Variants in ZMYM3 observed in about 807,000 individuals in gnomAD.
The protein encoded by ZMYM3 is zinc finger MYM-type protein 3.
A neutral mutation model predicts 94.2 loss-of-function variants in ZMYM3; 6 were observed. The ratio of observed to expected loss-of-function variants is 0.06; its 90% confidence interval spans 0.03 to 0.13. The LOEUF is 0.13. ZMYM3 is among the 10% of genes least tolerant of loss of function. The probability of loss-of-function intolerance (pLI) is 1.00; values close to 1 mark genes in which losing one functional copy is unlikely to be tolerated. For missense variants in ZMYM3, 664 were observed against 1,132.6 expected (o/e 0.59, Z 5.94); for synonymous variants, 420 against 426.5 (o/e 0.98, Z 0.19).
intron 21 of ZMYM3, 65 bp downstream of exon 21, chrX:71,243,764 T>C: frequency 8.5e-7 from 1 of 1,183,064 alleles, no homozygotes; most frequent in Non-Finnish European, 1.1e-6. Context: ...CCCAGAATCA[T>C]TTCTGTTTAG....
chrX:71,249,215 A>G (rs2030328706), intron 7 of ZMYM3, 46 bp from the exon 8 acceptor site: 1 of 1,198,742 alleles, frequency 8.3e-7, no homozygotes, highest in Non-Finnish European at 1.1e-6. Flanking sequence ...TTGTCCCTTC[A>G]CTTTTATTTT....
intron 19 of ZMYM3, 110 bp from the exon 20 acceptor site, chrX:71,244,580 A>G: frequency 1.0e-6 from 1 of 959,118 alleles, no homozygotes; most frequent in Non-Finnish European, 1.4e-6. Context: ...ATGTAAGCAC[A>G]CAGCAAGCTT....
At chrX:71,244,565 G>T in intron 19 of ZMYM3, 95 bp from the exon 20 acceptor site, 1 of 1,035,884 alleles carries the variant, frequency 9.7e-7, no homozygotes, top group Non-Finnish European at 1.3e-6. Flanking sequence ...CCGGGGCAGG[G>T]GCTGATGTAA....
At chrX:71,254,524 C>T (rs1213320446), upstream of ZMYM3, 1 of 111,447 alleles carries the variant, frequency 9.0e-6, no homozygotes, top group Non-Finnish European at 1.9e-5. Flanking sequence ...CTCGCCCTAC[C>T]TCCTGGAGCC....
intron 8 of ZMYM3, 89 bp downstream of exon 8, chrX:71,248,930 C>G: frequency 8.6e-7 from 1 of 1,159,946 alleles, no homozygotes; most frequent in Non-Finnish European, 1.2e-6. Flanking sequence ...GGACTGAGGT[C>G]GGGCAGCAAG....
At position 71,246,599 on chromosome X, in the gene ZMYM3, C is replaced by A; in HGVS notation, c.2408G>T (p.Gly803Val). ...CCCCTTGGCTTTTGCCCCGACCTTG[C>A]CCAAATTCCCATTTTCCTCTGGGGT... is the stretch of plus-strand genomic sequence containing the variant. ...VRTPEENGNL[G>V]KIPVKTRSAP... is the part of the protein sequence containing the mutation. The change falls in exon 14 of 25, where the codon GGC becomes GTC. Residue 803 changes from glycine (G) to valine (V), a missense_variant. Physicochemically the swap from Gly to Val is moderately radical, Grantham distance 109. Transcript: ENST00000314425. 8.3e-7 allele frequency: 1 copy of A among 1,210,962 alleles called. No individual in the cohort carries two copies. Among genetic ancestry groups the A allele is most frequent in the Non-Finnish European group, 1.1e-6 (1 of 895,109 alleles).
chrX:71,243,554 G>T, intron 21 of ZMYM3: 1 of 348,133 alleles, frequency 2.9e-6, no homozygotes, highest in Non-Finnish European at 5.0e-6. Flanking sequence ...AAGGCAAGCT[G>T]CCTGCTTCAG....
In ZMYM3 at chrX:71,249,544, C is replaced by A. The variant is rs768532944; in HGVS notation, c.1387G>T (p.Gly463Trp). 8.3e-7 allele frequency: 1 copy of A among 1,208,287 alleles called. No homozygotes were observed. Among genetic ancestry groups the A allele is most frequent in the Non-Finnish European group, 1.1e-6 (1 of 893,768 alleles). The part of the protein sequence containing the change: ...QCGAYIYTKT[G>W]SPGPELLFHE... ...AAGAGGAGCTCAGGGCCAGGACTCC[C>A]GGTCTTGGTGTAGATGTAAGCCCCA... The change falls in exon 7 of 25, where the codon GGG becomes TGG. Residue 463 changes from glycine (G) to tryptophan (W), a missense_variant. Transcript: ENST00000314425.
chrX:71,244,460 C>T lies in ZMYM3; in HGVS notation c.3122G>A (p.Arg1041Gln), dbSNP rs1191220046. 1.7e-6 allele frequency: 2 copies of T among 1,210,677 alleles called. No homozygotes were observed. The highest frequency in any genetic ancestry group is 1.8e-5 in the South Asian group (1 of 56,773). ...GGAGCAGCTTTCGGAAAGCACCAGCCGCTTTTGACCCTGGAGGGGAAGAGA... is the reference window on the plus strand; with the variant it reads ...GGAGCAGCTTTCGGAAAGCACCAGCTGCTTTTGACCCTGGAGGGGAAGAGA... ...LPRTMRKGQK[R>Q]LVLSESCSRD... Residue 1041 changes from arginine (R) to glutamine (Q), a missense_variant, in exon 20 of 25, where the codon CGG becomes CAG. Coordinates refer to ENST00000314425, the MANE Select transcript of ZMYM3 (RefSeq NM_201599.3).
In ZMYM3 at chrX:71,248,732, C is replaced by G; in HGVS notation, c.1691G>C (p.Arg564Pro). 1 of 1,207,573 alleles carries G rather than the reference C, an allele frequency of 8.3e-7. No individual in the cohort carries two copies. The highest frequency in any genetic ancestry group is 3.0e-5 in the East Asian group (1 of 33,770). ...SDPCYYNKVDRTVYQFCSPSC... is the reference protein window; with the variant it reads ...SDPCYYNKVDPTVYQFCSPSC... ...GGGGCTGCAGAACTGGTAGACTGTG[C>G]GGTCAACCTTGTTGTAGTAACAGGG... is the stretch of plus-strand genomic sequence containing the variant. The change falls in exon 9 of 25, where the codon CGC becomes CCC. Residue 564 changes from arginine to proline, a missense_variant. Physicochemically the swap from Arg to Pro is moderately radical, Grantham distance 103 (BLOSUM62 -2). Transcript: ENST00000314425.
chrX:71,244,172 C>A, intron 20 of ZMYM3, 130 bp downstream of exon 20: 1 of 997,571 alleles, frequency 1.0e-6, no homozygotes, highest in African/African-American at 1.9e-5. Flanking sequence ...CTTCACAGGG[C>A]ATCCTTAAGG....
In ZMYM3 at chrX:71,241,340, C is replaced by T. The variant is rs752835036; in HGVS notation, c.3807G>A (p.Thr1269=). ...APVRQRKGRD[T]GPGKRKREDE... ...CTTCTCTCTTCCGTTTTCCAGGACC[C>T]GTGTCTATAGGGGAGGGAAATGATT... Residue 1269 remains threonine (T), a synonymous_variant, in exon 24 of 25, where the codon ACG becomes ACA. Coordinates refer to ENST00000314425, the MANE Select transcript of ZMYM3 (RefSeq NM_201599.3). The T allele has an allele frequency of 1.7e-5, 20 of 1,189,057 alleles. No individual in the cohort carries two copies. In the East Asian group the frequency reaches 3.6e-4, roughly 21 times the overall value.
intron 16 of ZMYM3, 48 bp from the exon 17 acceptor site, chrX:71,245,890 G>T (rs779505529): frequency 8.4e-7 from 1 of 1,194,738 alleles, no homozygotes; most frequent in Non-Finnish European, 1.1e-6. Context: ...ACCAGCAGTT[G>T]GGGGGAAGTT....
chrX:71,246,364 C>T lies in ZMYM3; in HGVS notation c.2561G>A (p.Gly854Glu), dbSNP rs1254716755. ...GTACCCTGGCTCACCTGTTTGACTTCCTTTGGACTTCATCTCCACCTTGCA... is the reference window on the plus strand; with the variant it reads ...GTACCCTGGCTCACCTGTTTGACTTTCTTTGGACTTCATCTCCACCTTGCA... ...VSCKVEMKSK[G>E]SQTEEWKPQV... Residue 854 changes from glycine to glutamate, a missense_variant, in exon 15 of 25, where the codon GGA (glycine) becomes GAA (glutamate). Physicochemically the swap from Gly to Glu is moderately conservative, Grantham distance 98. This residue lies in a region of ZMYM3 where 57 missense variants were observed against 52.0 expected (regional missense o/e 1.10). Coordinates refer to ENST00000314425, the MANE Select transcript of ZMYM3 (RefSeq NM_201599.3). 6 of 1,209,081 alleles carry T rather than the reference C, an allele frequency of 5.0e-6. No individual in the cohort carries two copies. Among genetic ancestry groups the T allele is most frequent in the Non-Finnish European group, 6.7e-6 (6 of 894,646 alleles).
Position 71,246,663 on chromosome X carries a change from G to A in ZMYM3, c.2344C>T (p.Pro782Ser), listed in dbSNP as rs1307255248. Residue 782 changes from proline to serine, a missense_variant, in exon 14 of 25, where the codon CCC becomes TCC. By Grantham distance (74) the Pro-to-Ser change is moderately conservative. This residue lies in a region of ZMYM3 where 159 missense variants were observed against 313.0 expected (regional missense o/e 0.51). Transcript: ENST00000314425. The part of the protein sequence containing the change: ...SQSPESKPQT[P>S]SQTKVENSNT... ...CTGTTCTCCACTTTGGTTTGAGAGG[G>A]TGTCTGGGGTTTTGACTCAGGAGAC... 4 of 1,211,478 alleles carry A rather than the reference G, an allele frequency of 3.3e-6. No individual in the cohort carries two copies. In the East Asian group the frequency reaches 1.2e-4, roughly 36 times the overall value.
chrX:71,242,870 C>A, intron 22 of ZMYM3, 100 bp downstream of exon 22: 1 of 831,283 alleles, frequency 1.2e-6, no homozygotes, highest in Admixed American at 2.7e-5. Context: ...CCCTCGGGCC[C>A]TTTGTGAAGA....
chrX:71,242,126 G>GGCAGAGAAGGGGCAAAAGC lies in ZMYM3; in HGVS notation c.3802+25_3802+43dup, dbSNP rs1569220898. 4.3e-6 allele frequency: 5 copies of GGCAGAGAAGGGGCAAAAGC among 1,152,570 alleles called. No homozygotes were observed. In the East Asian group the frequency reaches 1.6e-4, roughly 38 times the overall value. The allele number at this position is 1,152,570 out of a possible 1,213,427, so 95.0% of individuals were successfully genotyped here. On this transcript the variant is annotated intron_variant, in intron 23 of 24. Transcript: ENST00000314425. Reference sequence around the variant, plus strand: ...GTTATGGCAGGGCATGGAAGGGGAAGGCAGAGAAGGGGCAAAAGCACAGGG... The same window carrying GGCAGAGAAGGGGCAAAAGC: ...GTTATGGCAGGGCATGGAAGGGGAAGGCAGAGAAGGGGCAAAAGCGCAGAGAAGGGGCAAAAGCACAGGG...
rs746110789 is a variant in ZMYM3, at chrX:71,250,068, G to A, written c.1209C>T (p.Pro403=). Residue 403 remains proline, a synonymous_variant, in exon 6 of 25, where the codon CCC becomes CCT. Transcript: ENST00000314425. The stretch of plus-strand genomic sequence containing the variant: ...ATATGCTGCAGCGAGTAGCGTCGGC[G>A]GGATCCCCAGACTGGGGGATCGGGC... ...QQRPIPQSGD[P]ADATRCSICQ... 2.5e-6 allele frequency: 3 copies of A among 1,199,195 alleles called. No individual in the cohort carries two copies. Among genetic ancestry groups the A allele is most frequent in the East Asian group, 3.0e-5 (1 of 33,705 alleles).
chrX:71,245,128 A>T (rs5936625), intron 18 of ZMYM3, among the ~76,000 whole-genome samples: 2 of 48,244 alleles, frequency 4.1e-5, no homozygotes, highest in East Asian at 1.3e-3. Context: ...CTTAAAAATT[A>T]AAAAAAAAAA....
Sources: allele counts gnomAD v4.1 joint callset (sites outside exome capture counted in the v4.1 genomes callset), GRCh38; gene constraint gnomAD v4.1.1; regional missense constraint gnomAD v4.1.1; transcripts MANE v1.5; gene names NCBI Gene and HGNC (gene_info 2026-07-23, HGNC 2026-07-21).